TBCK: variants seen among roughly 807,000 people sequenced by gnomAD.
The protein encoded by TBCK is TBC1 domain containing kinase, also known as TBC domain-containing protein kinase-like protein.
TBCK carries 99 observed loss-of-function variants against 113.4 expected under a neutral mutation model. That is an observed-to-expected ratio of 0.87 (90% CI 0.74 to 1.03). TBCK has a LOEUF of 1.03. Ranked by LOEUF, TBCK falls within the 50% of genes least tolerant of loss-of-function variation. The probability of loss-of-function intolerance (pLI) is 0.00; values close to 1 mark genes in which losing one functional copy is unlikely to be tolerated. For missense variants in TBCK, 1,045 were observed against 1,061.3 expected, an observed-to-expected ratio of 0.98 and a Z score of 0.21; for synonymous variants, 369 against 370.8, an observed-to-expected ratio of 1.00 and a Z score of 0.05.
intron 23 of TBCK, among the ~76,000 whole-genome samples, chr4:106,129,431 G>C (rs1745613747): frequency 6.6e-6 from 1 of 152,134 alleles, no homozygotes; most frequent in Admixed American, 6.5e-5. Context: ...GAGGATAATG[G>C]CTTACAGCTA....
intron 24 of TBCK, among the ~76,000 whole-genome samples, chr4:106,114,726 G>A (rs1743293233): frequency 6.6e-6 from 1 of 152,130 alleles, no homozygotes; most frequent in East Asian, 1.9e-4. Flanking sequence ...GTGTTATAAT[G>A]TTATTTTTTA....
chr4:106,178,005 A>AG (rs1751890300), intron 22 of TBCK, among the ~76,000 whole-genome samples: 2 of 151,738 alleles, frequency 1.3e-5, no homozygotes, highest in Non-Finnish European at 2.9e-5. Flanking sequence ...AATTTATTTC[A>AG]TTAGTGTTTG....
intron 25 of TBCK, among the ~76,000 whole-genome samples, chr4:106,058,317 C>T (rs1400824188): frequency 6.6e-6 from 1 of 151,726 alleles, no homozygotes; most frequent in Non-Finnish European, 1.5e-5. Flanking sequence ...AAAAGTTGCC[C>T]ATCCCTTCCT....
chr4:106,245,603 G>A (rs1760707488), intron 10 of TBCK, among the ~76,000 whole-genome samples: 1 of 152,070 alleles, frequency 6.6e-6, no homozygotes. Flanking sequence ...CTCTCCTACT[G>A]GAGGTATGCC....
chr4:106,082,168 AT>A (rs1160792210), intron 25 of TBCK, among the ~76,000 whole-genome samples: 2 of 152,244 alleles, frequency 1.3e-5, no homozygotes, highest in African/African-American at 4.8e-5. Flanking sequence ...TTGTAGCACT[AT>A]TCACAATAGC....
In TBCK at chr4:106,058,191, T is replaced by C. The variant is rs562448637; in HGVS notation, c.2572-11511A>G. 2.6e-4 allele frequency among the ~76,000 whole-genome samples: 40 copies of C among 151,726 alleles called. 1 individual carries two copies. The highest frequency in any genetic ancestry group is 5.2e-4 in the Non-Finnish European group (35 of 67,800). ...TTAATGAACTAGATGGGGATATGAATAAGTAAACAGGTGATTACAATACCA... is the reference window on the plus strand; with the variant it reads ...TTAATGAACTAGATGGGGATATGAACAAGTAAACAGGTGATTACAATACCA... On this transcript the variant is annotated intron_variant, in intron 25 of 25. Transcript: ENST00000394708.
intron 1 of TBCK, 92 bp downstream of exon 1, chr4:106,315,839 C>T (rs1164240003): frequency 3.9e-5 from 6 of 152,542 alleles, no homozygotes; most frequent in African/African-American, 1.4e-4. Flanking sequence ...ATTCTGAAGA[C>T]ATGCGGGGCC....
intron 24 of TBCK, among the ~76,000 whole-genome samples, chr4:106,097,474 C>T (rs1741060646): frequency 6.6e-6 from 1 of 152,090 alleles, no homozygotes; most frequent in Non-Finnish European, 1.5e-5. Context: ...TCTATCATTA[C>T]TGGAAAACAG....
At chr4:106,201,794 C>T (rs1254775173) in intron 20 of TBCK, among the ~76,000 whole-genome samples, 3 of 151,954 alleles carry the variant, frequency 2.0e-5, no homozygotes, top group African/African-American at 7.2e-5. Context: ...TTTTCTTAAT[C>T]CACATCCTTT....
chr4:106,152,017 G>A (rs1207414014), intron 23 of TBCK, among the ~76,000 whole-genome samples: 1 of 151,772 alleles, frequency 6.6e-6, no homozygotes, highest in Non-Finnish European at 1.5e-5. Flanking sequence ...AAAAGATCAT[G>A]TCATCTTCAA....
chr4:106,250,833 C>T (rs112456264), intron 6 of TBCK, among the ~76,000 whole-genome samples: 3 of 151,942 alleles, frequency 2.0e-5, no homozygotes, highest in African/African-American at 7.2e-5. Flanking sequence ...CTGGGTAAGA[C>T]TGATTATACT....
chr4:106,249,079 G>A, intron 7 of TBCK, 97 bp from the exon 8 acceptor site: 1 of 742,220 alleles, frequency 1.3e-6, no homozygotes, highest in Non-Finnish European at 2.1e-6. Context: ...ATGGAGTAAT[G>A]CAATTTTGAA....
At chr4:106,266,757 G>A (rs72893620) in intron 3 of TBCK, among the ~76,000 whole-genome samples, 28,301 of 151,646 alleles carry the variant, frequency 0.19, 2,665 homozygotes, top group South Asian at 0.25. Context: ...GGTATAAAGA[G>A]GAACAAAAAA....
In TBCK at chr4:106,230,433, T is replaced by C. The variant is rs775328754; in HGVS notation, c.1704A>G (p.Ala568=). 3.7e-6 allele frequency: 6 copies of C among 1,601,686 alleles called. No homozygotes were observed. The Admixed American group carries it at 6.7e-5, about 18-fold the overall frequency. ...LNFNNEALAY[A]CMSAFIPKYL... is the part of the protein sequence containing the mutation. ...ATTTGGGAATAAAAGCAGACATACA[T>C]GCATAAGCCAAGGCTAAAAGAGAAT... Residue 568 remains alanine (A), a synonymous_variant, in exon 19 of 26, where the codon GCA becomes GCG. Transcript: ENST00000394708.
chr4:106,075,275 T>A (rs766446201), intron 25 of TBCK, among the ~76,000 whole-genome samples: 4 of 152,212 alleles, frequency 2.6e-5, no homozygotes, highest in Non-Finnish European at 5.9e-5. Flanking sequence ...TATAAAAATG[T>A]TTAAAACAGT....
intron 5 of TBCK, among the ~76,000 whole-genome samples, chr4:106,259,646 AAAAAC>A (rs1373141564): frequency 6.6e-6 from 1 of 151,974 alleles, no homozygotes; most frequent in Non-Finnish European, 1.5e-5. Flanking sequence ...TGCTCGGAGA[AAAAAC>A]AGAGAAAAAG....
chr4:106,094,667 C>G (rs1740708396), intron 25 of TBCK, among the ~76,000 whole-genome samples: 1 of 152,138 alleles, frequency 6.6e-6, no homozygotes, highest in Non-Finnish European at 1.5e-5. Context: ...TTCTCTTTGT[C>G]CCTCTATTCT....
intron 19 of TBCK, among the ~76,000 whole-genome samples, chr4:106,214,871 A>C (rs1383128670): frequency 1.3e-5 from 2 of 152,122 alleles, no homozygotes. Context: ...AGAATGCCAC[A>C]AAGATACTCC....
In TBCK at chr4:106,244,528, T is replaced by A. The variant is rs59769617; in HGVS notation, c.1070+98A>T. ...AAAAAAATTTTAAAAACAACCAATT[T>A]AAAAAAAAAAAACACCGATTTTCTT... On this transcript the variant is annotated intron_variant, in intron 11 of 25. Transcript: ENST00000394708. The A allele has an allele frequency of 6.9e-3, 6,069 of 873,582 alleles. 227 individuals are homozygous for A. The African/African-American group carries it at 0.097, about 14-fold the overall frequency. The allele number at this position is 873,582 out of a possible 1,614,324, so 54.1% of individuals were successfully genotyped here. A position where few individuals can be genotyped will look rare whatever the true frequency, so the allele number is the denominator to read the frequency against.
Sources: allele counts gnomAD v4.1 joint callset (sites outside exome capture counted in the v4.1 genomes callset), GRCh38; gene constraint gnomAD v4.1.1; transcripts MANE v1.5; gene names NCBI Gene and HGNC (gene_info 2026-07-23, HGNC 2026-07-21).